Variants in QTGAL observed in about 807,000 individuals in gnomAD.
QTGAL encodes the protein BGnT-like protein 1.
the QTGAL span, chr17:83,051,675 C>G: frequency 7.2e-7 from 1 of 1,379,430 alleles, no homozygotes; most frequent in Non-Finnish European, 9.5e-7. Flanking sequence ...GACTGGAGGG[C>G]GGGGTGAGGG....
At chr17:83,005,170 G>A in the QTGAL span, 2 of 1,610,968 alleles carry the variant, frequency 1.2e-6, no homozygotes, top group Non-Finnish European at 1.7e-6. The surrounding 1 kb of genome is among the most constrained non-coding windows in gnomAD (Gnocchi z 5.6). Flanking sequence ...GTATCGTTCG[G>A]TGGAGTTAGG....
the QTGAL span, among the ~76,000 whole-genome samples, chr17:83,025,687 G>C: frequency 6.2e-5 from 9 of 144,916 alleles, no homozygotes; most frequent in Admixed American, 6.7e-5. Flanking sequence ...CCACACACAC[G>C]TAAGAAGAGC....
the QTGAL span, among the ~76,000 whole-genome samples, chr17:82,986,338 C>G: frequency 1.3e-5 from 2 of 152,334 alleles, no homozygotes; most frequent in African/African-American, 2.4e-5. Flanking sequence ...CCCCACCATA[C>G]GCTGCTGGCT....
chr17:82,972,258 TACTGACCACACCACACCACAGGG>T, the QTGAL span, among the ~76,000 whole-genome samples: 1 of 109,620 alleles, frequency 9.1e-6, no homozygotes, highest in African/African-American at 3.8e-5. Flanking sequence ...AAGGACCCGG[TACTGACCACACCACACCACAGGG>T]GCCAGAAGGA....
the QTGAL span, among the ~76,000 whole-genome samples, chr17:82,986,238 G>A: frequency 2.6e-5 from 4 of 152,196 alleles, no homozygotes; most frequent in Non-Finnish European, 4.4e-5. Context: ...GGAAATAGCT[G>A]CTCTGCGGCA....
At chr17:82,961,002 G>T in the QTGAL span, 4 of 1,564,730 alleles carry the variant, frequency 2.6e-6, no homozygotes, top group Admixed American at 7.4e-5. Flanking sequence ...GACCTCGGGC[G>T]CCTCCCGTGT....
At chr17:83,021,802 GAAT>G in the QTGAL span, among the ~76,000 whole-genome samples, 1 of 152,180 alleles carries the variant, frequency 6.6e-6, no homozygotes, top group Non-Finnish European at 1.5e-5. Context: ...GCAGCTGCTA[GAAT>G]AATCATGTAA....
At chr17:83,005,264 A>G in the QTGAL span, 1 of 1,370,618 alleles carries the variant, frequency 7.3e-7, no homozygotes, top group Non-Finnish European at 1.0e-6. This position sits in a 1 kb window ranked among gnomAD's most constrained non-coding sequence, Gnocchi z 5.6. Flanking sequence ...ACGCAGGTGC[A>G]TGTGCACACC....
At chr17:82,965,815 T>C in the QTGAL span, 2 of 1,435,146 alleles carry the variant, frequency 1.4e-6, no homozygotes, top group Admixed American at 3.9e-5. Context: ...TGCAGTTTAT[T>C]TCCACAAAGT....
chr17:83,030,081 A>G, the QTGAL span, among the ~76,000 whole-genome samples: 2 of 152,192 alleles, frequency 1.3e-5, no homozygotes, highest in African/African-American at 4.8e-5. Flanking sequence ...AAATGAGGAG[A>G]ATGTGTCCTG....
the QTGAL span, among the ~76,000 whole-genome samples, chr17:83,011,222 G>A: frequency 2.0e-5 from 3 of 152,206 alleles, no homozygotes; most frequent in Non-Finnish European, 4.4e-5. Context: ...GGGTTGGCTG[G>A]CCCTCAGGAA....
chr17:83,005,143 T>C, the QTGAL span: 24 of 1,609,518 alleles, frequency 1.5e-5, no homozygotes, highest in Middle Eastern at 6.7e-4. The surrounding 1 kb of genome is among the most constrained non-coding windows in gnomAD (Gnocchi z 5.6). Context: ...CGGCGTCAGC[T>C]GGTTGATCCA....
At chr17:83,051,619 T>C in the QTGAL span, 1 of 1,059,924 alleles carries the variant, frequency 9.4e-7, no homozygotes, top group Non-Finnish European at 1.3e-6. Context: ...ACCCCGTAGG[T>C]GAGCCCGAGA....
At chr17:82,985,658 G>A in the QTGAL span, among the ~76,000 whole-genome samples, 18 of 152,072 alleles carry the variant, frequency 1.2e-4, no homozygotes, top group Non-Finnish European at 2.2e-4. Flanking sequence ...CTGAGGCTGC[G>A]GCGACCCCAC....
the QTGAL span, chr17:82,978,863 C>T: frequency 6.6e-6 from 1 of 152,092 alleles, no homozygotes; most frequent in Non-Finnish European, 1.5e-5. The surrounding 1 kb of genome is among the most constrained non-coding windows in gnomAD (Gnocchi z 4.8). Flanking sequence ...AGCAGCAGCC[C>T]CACCCACTTC....
chr17:83,039,802 C>T, the QTGAL span, among the ~76,000 whole-genome samples: 2 of 152,246 alleles, frequency 1.3e-5, no homozygotes, highest in African/African-American at 2.4e-5. Context: ...GTCTACTTTA[C>T]TCCTGCGTCT....
At chr17:82,978,236 G>A in the QTGAL span, among the ~76,000 whole-genome samples, 4 of 152,212 alleles carry the variant, frequency 2.6e-5, no homozygotes, top group African/African-American at 9.6e-5. This position sits in a 1 kb window ranked among gnomAD's most constrained non-coding sequence, Gnocchi z 4.8. Context: ...CCCAGGCTGC[G>A]AGTCTGTGAG....
the QTGAL span, among the ~76,000 whole-genome samples, chr17:82,982,201 CG>C: frequency 0.011 from 112 of 10,436 alleles, no homozygotes; most frequent in African/African-American, 0.067. Context: ...GGTGATGGGC[CG>C]AGCGGGCCGA....
chr17:82,974,266 C>T, the QTGAL span, among the ~76,000 whole-genome samples: 1 of 152,328 alleles, frequency 6.6e-6, no homozygotes, highest in African/African-American at 2.4e-5. Context: ...TGACTGAGGC[C>T]GCCCGGGTGG....
Sources: gnomAD v4.1 joint callset for allele counts (sites outside exome capture counted in the v4.1 genomes callset) on GRCh38, gnomAD v4.1.1 for gene constraint, Gnocchi (gnomAD v3.1) non-coding constraint, MANE v1.5 for transcripts, NCBI Gene and HGNC (gene_info 2026-07-23, HGNC 2026-07-21) for gene names.